Variants in ANKS1B observed in about 807,000 individuals in gnomAD.
ANKS1B encodes the protein ankyrin repeat and sterile alpha motif domain-containing protein 1B.
ANKS1B carries 36 observed loss-of-function variants against 148.3 expected under a neutral mutation model. The ratio of observed to expected loss-of-function variants is 0.24; its 90% CI spans 0.19 to 0.32. The LOEUF (loss-of-function observed/expected upper bound fraction) is 0.32, where lower values mean the gene tolerates loss of function less well. Among genes scored for constraint, ANKS1B ranks in the 10% least tolerant of loss-of-function variants. The pLI, the probability that ANKS1B is intolerant of heterozygous loss-of-function variation, is 1.00. For missense variants in ANKS1B, 1,157 were observed against 1,542.6 expected, an observed-to-expected ratio of 0.75 and a Z score of 4.19; for synonymous variants, 542 against 560.8, an observed-to-expected ratio of 0.97 and a Z score of 0.47.
chr12:99,419,598 G>A (rs7132485), intron 11 of ANKS1B, among the ~76,000 whole-genome samples: 25,274 of 152,014 alleles, frequency 0.17, 2,435 homozygotes, highest in African/African-American at 0.27. Context: ...TGCTGTATAC[G>A]TGAAAGAAAA....
chr12:99,822,364 T>G (rs550043223), intron 2 of ANKS1B, among the ~76,000 whole-genome samples: 2 of 152,194 alleles, frequency 1.3e-5, no homozygotes, highest in Non-Finnish European at 2.9e-5. Flanking sequence ...AGGGGATATA[T>G]TGTATGATGC....
chr12:98,932,099 T>C lies in ANKS1B; in HGVS notation c.2779-99963A>G, dbSNP rs954097311. On this transcript the variant is annotated intron_variant, in intron 17 of 26. Coordinates refer to ENST00000683438, the MANE Select transcript of ANKS1B (RefSeq NM_001352186.2). ...TCTCTCTGCATTCTCCCCATTATGA[T>C]GTGGTTCTCCAGACCAGGGAAGAGA... 1.8e-4 allele frequency among the ~76,000 whole-genome samples: 28 copies of C among 152,288 alleles called. 1 individual carries two copies. Among genetic ancestry groups the C allele is most frequent in the African/African-American group, 6.5e-4 (27 of 41,576 alleles).
At chr12:99,089,168 T>G (rs1224417073) in intron 15 of ANKS1B, among the ~76,000 whole-genome samples, 1 of 94,288 alleles carries the variant, frequency 1.1e-5, no homozygotes, top group Non-Finnish European at 2.1e-5. Flanking sequence ...TCCTCCTCCA[T>G]CATTTTTTTT....
At chr12:98,938,249 T>C (rs2099823119) in intron 17 of ANKS1B, among the ~76,000 whole-genome samples, 1 of 152,204 alleles carries the variant, frequency 6.6e-6, no homozygotes, top group African/African-American at 2.4e-5. Context: ...ATGTTAATAG[T>C]TATTATTATT....
chr12:99,400,343 T>C (rs969141620), intron 11 of ANKS1B, among the ~76,000 whole-genome samples: 1 of 146,200 alleles, frequency 6.8e-6, no homozygotes, highest in Admixed American at 6.8e-5. Flanking sequence ...TAAAGTTATA[T>C]GGAACATTTT....
chr12:99,068,405 C>T (rs955898957), intron 16 of ANKS1B, among the ~76,000 whole-genome samples: 2 of 152,120 alleles, frequency 1.3e-5, no homozygotes. Flanking sequence ...CTGTAGGCAA[C>T]TTAACATAAA....
intron 17 of ANKS1B, among the ~76,000 whole-genome samples, chr12:98,978,802 T>C (rs986083727): frequency 1.3e-5 from 2 of 152,138 alleles, no homozygotes; most frequent in African/African-American, 4.8e-5. Context: ...ACAGTGTATA[T>C]AATAATAACA....
At chr12:99,378,312 T>C (rs1033711867) in intron 12 of ANKS1B, among the ~76,000 whole-genome samples, 10 of 152,094 alleles carry the variant, frequency 6.6e-5, no homozygotes, top group Admixed American at 3.3e-4. Flanking sequence ...ATGAGATTCA[T>C]AGAAAATCCA....
At chr12:99,334,989 A>C (rs1263031399) in intron 12 of ANKS1B, among the ~76,000 whole-genome samples, 1 of 152,064 alleles carries the variant, frequency 6.6e-6, no homozygotes, top group East Asian at 1.9e-4. Context: ...TCTTACTACA[A>C]AAGGTTTCAA....
intron 8 of ANKS1B, among the ~76,000 whole-genome samples, chr12:99,686,250 T>C (rs1372794134): frequency 6.6e-6 from 1 of 152,188 alleles, no homozygotes; most frequent in Admixed American, 6.6e-5. Flanking sequence ...AACCAAAATG[T>C]AACTTAGGAG....
intron 17 of ANKS1B, among the ~76,000 whole-genome samples, chr12:98,867,968 G>A (rs1308248426): frequency 1.3e-5 from 2 of 152,076 alleles, no homozygotes; most frequent in African/African-American, 4.8e-5. Context: ...CAACTTCGAA[G>A]CTGGCCTGCA....
At chr12:98,915,778 C>T (rs977689547) in intron 17 of ANKS1B, among the ~76,000 whole-genome samples, 19 of 152,204 alleles carry the variant, frequency 1.2e-4, no homozygotes, top group African/African-American at 4.6e-4. Flanking sequence ...GTGAATTAAT[C>T]CTTTCAATGA....
intron 8 of ANKS1B, among the ~76,000 whole-genome samples, chr12:99,688,578 T>C (rs200901718): frequency 1.3e-5 from 2 of 152,200 alleles, no homozygotes; most frequent in East Asian, 3.9e-4. Context: ...GTCTCAAGCC[T>C]GTAATCCTAG....
chr12:98,839,931 G>C (rs1404898180), intron 17 of ANKS1B, among the ~76,000 whole-genome samples: 1 of 151,438 alleles, frequency 6.6e-6, no homozygotes, highest in African/African-American at 2.4e-5. Flanking sequence ...TCTTTTTTTT[G>C]CGTATGTGTC....
At chr12:99,080,787 T>C (rs1344708401) in intron 16 of ANKS1B, among the ~76,000 whole-genome samples, 3 of 152,152 alleles carry the variant, frequency 2.0e-5, no homozygotes, top group African/African-American at 7.2e-5. Context: ...TCAGGTAATA[T>C]CCCTGTGTCC....
At chr12:99,099,402 G>T (rs2057310148) in intron 15 of ANKS1B, among the ~76,000 whole-genome samples, 1 of 152,244 alleles carries the variant, frequency 6.6e-6, no homozygotes, top group African/African-American at 2.4e-5. Context: ...CTGGGACCCT[G>T]CTCTATCCAG....
At chr12:99,452,192 G>C (rs564547233) in intron 10 of ANKS1B, among the ~76,000 whole-genome samples, 5 of 151,984 alleles carry the variant, frequency 3.3e-5, no homozygotes, top group African/African-American at 1.2e-4. Context: ...TAAGCAAATG[G>C]GTGTGTCCGT....
chr12:99,409,429 A>G (rs535545553), intron 11 of ANKS1B, among the ~76,000 whole-genome samples: 1 of 152,280 alleles, frequency 6.6e-6, no homozygotes, highest in South Asian at 2.1e-4. Flanking sequence ...AATAAGATCT[A>G]GTATTTGATA....
intron 1 of ANKS1B, among the ~76,000 whole-genome samples, chr12:99,957,709 G>A (rs2095345001): frequency 1.3e-5 from 2 of 152,150 alleles, no homozygotes; most frequent in Non-Finnish European, 1.5e-5. Context: ...ACAATGCCTA[G>A]CACATAATAG....
Sources: allele counts gnomAD v4.1 joint callset (sites outside exome capture counted in the v4.1 genomes callset), GRCh38; gene constraint gnomAD v4.1.1; transcripts MANE v1.5; gene names NCBI Gene and HGNC (gene_info 2026-07-23, HGNC 2026-07-21).